The following LAMA2 variants were observed in gnomAD, a reference collection of about 807,000 sequenced individuals.
The protein encoded by LAMA2 is laminin subunit alpha-2.
Under a neutral mutation model 364.8 loss-of-function variants are expected in LAMA2, and 269 were observed. The ratio of observed to expected loss-of-function variants is 0.74; its 90% CI spans 0.67 to 0.82. The LOEUF (loss-of-function observed/expected upper bound fraction) is 0.82. Among genes scored for constraint, LAMA2 ranks in the 40% least tolerant of loss-of-function variants. The pLI, the probability that LAMA2 is intolerant of heterozygous loss-of-function variation, is 0.00. For synonymous variants in LAMA2, 1,379 were observed against 1,370.6 expected (o/e 1.01, Z -0.14); for missense variants, 3,807 against 3,873.2 (o/e 0.98, Z 0.45).
At chr6:129,126,392 G>C (rs6569582) in intron 4 of LAMA2, among the ~76,000 whole-genome samples, 44,760 of 151,918 alleles carry the variant, frequency 0.29, 8,576 homozygotes, top group African/African-American at 0.55. Context: ...TTCAGTTTCA[G>C]CCAGATGTTT....
chr6:129,142,835 T>C (rs1778210087), intron 4 of LAMA2, among the ~76,000 whole-genome samples: 1 of 152,038 alleles, frequency 6.6e-6, no homozygotes, highest in African/African-American at 2.4e-5. Context: ...GTGTTTTTAA[T>C]TAACATTTAT....
intron 12 of LAMA2, among the ~76,000 whole-genome samples, chr6:129,209,474 T>G (rs768245509): frequency 6.6e-6 from 1 of 152,176 alleles, no homozygotes; most frequent in Non-Finnish European, 1.5e-5. Flanking sequence ...ATGTTAACTA[T>G]GCAGGGAATG....
At position 129,440,939 on chromosome 6, in the gene LAMA2, A is replaced by G. The variant is rs1417717525; in HGVS notation, c.6209A>G (p.Asn2070Ser). Residue 2070 changes from asparagine (N) to serine (S), a missense_variant, in exon 43 of 65, where the codon AAT becomes AGT. By Grantham distance (46) the Asn-to-Ser change is conservative (BLOSUM62 1). Coordinates refer to ENST00000421865, the MANE Select transcript of LAMA2 (RefSeq NM_000426.4). ...QNLDGLKKNYNKLADSVAKTN... is the reference protein window; with the variant it reads ...QNLDGLKKNYSKLADSVAKTN... ...CTCGATGGCCTGAAGAAGAATTACAATAAACTAGCAGACAGCGTCGCCAAA... is the reference window on the plus strand; with the variant it reads ...CTCGATGGCCTGAAGAAGAATTACAGTAAACTAGCAGACAGCGTCGCCAAA... 17 of 1,613,888 alleles carry G rather than the reference A, an allele frequency of 1.1e-5. No homozygotes were observed. Among genetic ancestry groups the G allele is most frequent in the Non-Finnish European group, 1.4e-5 (17 of 1,179,910 alleles).
At chr6:129,196,827 G>GA (rs1367780219) in intron 12 of LAMA2, among the ~76,000 whole-genome samples, 2 of 152,194 alleles carry the variant, frequency 1.3e-5, no homozygotes, top group Non-Finnish European at 2.9e-5. Flanking sequence ...GAACCAGGAA[G>GA]AAGGTTTGCT....
intron 2 of LAMA2, among the ~76,000 whole-genome samples, chr6:129,057,447 A>G (rs1203556450): frequency 6.6e-6 from 1 of 152,224 alleles, no homozygotes; most frequent in Non-Finnish European, 1.5e-5. Flanking sequence ...CCTTTGTTTC[A>G]TGAAATAATA....
At chr6:129,214,346 A>G (rs1783289590) in intron 12 of LAMA2, among the ~76,000 whole-genome samples, 1 of 152,164 alleles carries the variant, frequency 6.6e-6, no homozygotes, top group African/African-American at 2.4e-5. Context: ...CCAGTCCTAC[A>G]AGAGCAAGAA....
In LAMA2 at chr6:129,071,942, ACG is replaced by A. The variant is rs1473375090; in HGVS notation, c.396+12047_396+12048del. ...CAGAAGTTCAAGACCAGTGTGGGCA[ACG>A]TGGTGAAACCTCATCTCTACCAAAC... On this transcript the variant is annotated intron_variant, in intron 3 of 64. Transcript: ENST00000421865. Among the ~76,000 whole-genome samples the A allele has an allele frequency of 2.6e-3, 401 of 152,278 alleles. 4 individuals are homozygous for A. The highest frequency in any genetic ancestry group is 9.2e-3 in the African/African-American group (382 of 41,554).
intron 1 of LAMA2, among the ~76,000 whole-genome samples, chr6:128,978,307 C>T (rs116351928): frequency 1.9e-3 from 281 of 151,858 alleles, no homozygotes; most frequent in African/African-American, 6.6e-3. Context: ...TTCTGACCAC[C>T]TACTCTGTGC....
intron 34 of LAMA2, among the ~76,000 whole-genome samples, chr6:129,381,994 G>A (rs547377676): frequency 9.9e-5 from 15 of 152,232 alleles, no homozygotes; most frequent in African/African-American, 2.2e-4. Context: ...TTCCTCTAGC[G>A]TCTTTTACCA....
At chr6:129,169,157 T>G (rs1779966100) in intron 9 of LAMA2, among the ~76,000 whole-genome samples, 1 of 150,794 alleles carries the variant, frequency 6.6e-6, no homozygotes, top group Non-Finnish European at 1.5e-5. Flanking sequence ...CTTTATTTCC[T>G]TCTCCTGCCT....
chr6:128,938,052 G>A (rs1271964414), intron 1 of LAMA2, among the ~76,000 whole-genome samples: 1 of 152,032 alleles, frequency 6.6e-6, no homozygotes, highest in Non-Finnish European at 1.5e-5. Flanking sequence ...TCATTTTGGA[G>A]TGTGTTGCTT....
chr6:129,396,121 T>G (rs1779601802), intron 37 of LAMA2, among the ~76,000 whole-genome samples: 1 of 152,212 alleles, frequency 6.6e-6, no homozygotes, highest in Admixed American at 6.5e-5. Context: ...AAATGGTTTT[T>G]TATCGGAAAA....
chr6:129,300,007 G>T (rs147498584), intron 21 of LAMA2, among the ~76,000 whole-genome samples: 4 of 152,254 alleles, frequency 2.6e-5, no homozygotes, highest in African/African-American at 4.8e-5. Flanking sequence ...CCGCTATGTG[G>T]CATGCATTCC....
At chr6:129,042,900 G>GC (rs1276753207) in intron 1 of LAMA2, among the ~76,000 whole-genome samples, 30 of 152,152 alleles carry the variant, frequency 2.0e-4, no homozygotes, top group Admixed American at 1.5e-3. Context: ...CACAGTTTTT[G>GC]TATCATTTCC....
intron 12 of LAMA2, among the ~76,000 whole-genome samples, chr6:129,244,867 A>C (rs1274756502): frequency 3.9e-5 from 6 of 152,162 alleles, no homozygotes; most frequent in Non-Finnish European, 7.4e-5. Context: ...AATGTGCACC[A>C]TGCACACTGT....
intron 27 of LAMA2, among the ~76,000 whole-genome samples, chr6:129,319,718 T>G (rs1274809696): frequency 6.6e-6 from 1 of 152,190 alleles, no homozygotes; most frequent in Non-Finnish European, 1.5e-5. Flanking sequence ...ACTTAACTAC[T>G]AATAGCCTCC....
At chr6:129,247,007 C>T (rs1277936083) in intron 12 of LAMA2, among the ~76,000 whole-genome samples, 2 of 152,032 alleles carry the variant, frequency 1.3e-5, no homozygotes, top group Non-Finnish European at 2.9e-5. Context: ...CTGGAAACAA[C>T]ACCAGGAAAA....
In LAMA2 at chr6:129,167,031, T is replaced by C. The variant is rs139962424; in HGVS notation, c.1306+1356T>C. 3.1e-3 allele frequency among the ~76,000 whole-genome samples: 479 copies of C among 152,272 alleles called. 1 individual carries two copies. Among genetic ancestry groups the C allele is most frequent in the African/African-American group, 0.011 (460 of 41,550 alleles). ...TTCCATATAATTACTTTTCAATTAT[T>C]GTAAAAACAATACATAGTAAAATAA... On this transcript the variant is annotated intron_variant, in intron 9 of 64. Transcript: ENST00000421865.
intron 32 of LAMA2, among the ~76,000 whole-genome samples, chr6:129,357,025 T>C (rs148131019): frequency 2.4e-4 from 37 of 152,210 alleles, no homozygotes; most frequent in Non-Finnish European, 4.3e-4. Context: ...TCTGAAGAGA[T>C]ATTTTATTAA....
Sources: allele counts gnomAD v4.1 joint callset (sites outside exome capture counted in the v4.1 genomes callset), GRCh38; gene constraint gnomAD v4.1.1; transcripts MANE v1.5; gene names NCBI Gene and HGNC (gene_info 2026-07-23, HGNC 2026-07-21).